Variants in AGAP1 observed in about 807,000 individuals in gnomAD.
AGAP1 encodes ArfGAP with GTPase domain, ankyrin repeat and PH domain 1.
A neutral mutation model predicts 105.3 loss-of-function variants in AGAP1; 29 were observed. The ratio of observed to expected loss-of-function variants is 0.28; its 90% CI spans 0.21 to 0.38. The LOEUF (loss-of-function observed/expected upper bound fraction) is 0.38, where lower values mean the gene tolerates loss of function less well. AGAP1 is among the 10% of genes least tolerant of loss of function. The probability of loss-of-function intolerance (pLI) is 1.00; values close to 1 mark genes in which losing one functional copy is unlikely to be tolerated. For synonymous variants in AGAP1, 509 were observed against 485.9 expected, an observed-to-expected ratio of 1.05 and a Z score of -0.63; for missense variants, 998 against 1,165.1, an observed-to-expected ratio of 0.86 and a Z score of 2.09.
At position 235,494,537 on chromosome 2, in the gene AGAP1, CCGCGCCTTTCTTCT is replaced by C. The variant is rs1396445905; in HGVS notation, c.-142_-129del. ...CGGGCCAGCCCCGCGCCTGCTCCGC[CCGCGCCTTTCTTCT>C]CGCGCCTCCTCCGCCCGCCGCCGGC... On this transcript the variant is annotated 5_prime_UTR_variant, in exon 1 of 18. Transcript: ENST00000304032. 6.7e-6 allele frequency: 1 copy of C among 148,964 alleles called. No individual in the cohort carries two copies. The highest frequency in any genetic ancestry group is 2.5e-5 in the African/African-American group (1 of 40,054). The allele number at this position is 148,964 out of a possible 1,614,324, so 9.2% of individuals were successfully genotyped here.
rs2052738125 is a variant in AGAP1 at position 235,931,871 on chromosome 2, C to T, written c.1483+948C>T. The stretch of plus-strand genomic sequence containing the variant: ...TCAGCGAGGTAGCTCCACACCATAG[C>T]GGTGCGGGTCTGGAAGAGCCTTGTG... On this transcript the variant is annotated intron_variant, in intron 12 of 17. Transcript: ENST00000304032. This position sits in a 1 kb window ranked among gnomAD's most constrained non-coding sequence, Gnocchi z 5.6. Among the ~76,000 whole-genome samples, 1 of 152,050 alleles carries T rather than the reference C, an allele frequency of 6.6e-6. No individual in the cohort carries two copies. Among genetic ancestry groups the T allele is most frequent in the Non-Finnish European group, 1.5e-5 (1 of 68,026 alleles).
At chr2:236,025,342 T>C (rs762206783) in intron 13 of AGAP1, among the ~76,000 whole-genome samples, 14 of 152,052 alleles carry the variant, frequency 9.2e-5, no homozygotes, top group Non-Finnish European at 1.8e-4. Flanking sequence ...CCAATTACTG[T>C]TTTGATCATT....
rs1006931044 is a variant in AGAP1 at position 236,083,171 on chromosome 2, A to G, written c.2114+33890A>G. 2.0e-5 allele frequency among the ~76,000 whole-genome samples: 3 copies of G among 152,058 alleles called. No individual in the cohort carries two copies. The highest frequency in any genetic ancestry group is 6.6e-5 in the Admixed American group (1 of 15,262). The stretch of plus-strand genomic sequence containing the variant: ...TCCATCTCAAAAAAAAAGAAAAAGA[A>G]AAGAGGCCTCGCCTTCCATTTAGAC... On this transcript the variant is annotated intron_variant, in intron 16 of 17. Coordinates refer to ENST00000304032, the MANE Select transcript of AGAP1 (RefSeq NM_001037131.3). The surrounding 1 kb of genome is among the most constrained non-coding windows in gnomAD (Gnocchi z 5.3).
In AGAP1 at chr2:235,799,005, C is replaced by G. The variant is rs1371564531; in HGVS notation, c.802-362C>G. Reference sequence around the variant, plus strand: ...TAATGTTGGCTGTGGTTCTGCTGATCTAGAGCAGTGGAGGGACCATAGAAT... The same window carrying G: ...TAATGTTGGCTGTGGTTCTGCTGATGTAGAGCAGTGGAGGGACCATAGAAT... On this transcript the variant is annotated intron_variant, in intron 7 of 17. Coordinates refer to ENST00000304032, the MANE Select transcript of AGAP1 (RefSeq NM_001037131.3). This position sits in a 1 kb window ranked among gnomAD's most constrained non-coding sequence, Gnocchi z 5.0. 6.6e-6 allele frequency among the ~76,000 whole-genome samples: 1 copy of G among 151,876 alleles called. No individual in the cohort carries two copies. Among genetic ancestry groups the G allele is most frequent in the Non-Finnish European group, 1.5e-5 (1 of 68,004 alleles).
Position 235,744,962 on chromosome 2 carries a change from G to T in AGAP1, c.538+123G>T, listed in dbSNP as rs1952813261. ...TTGCCTACTGAACGCTCACTTTTTT[G>T]GGAAAAATTATGGAACTGAAATGAT... On this transcript the variant is annotated intron_variant, in intron 5 of 17. Coordinates refer to ENST00000304032, the MANE Select transcript of AGAP1 (RefSeq NM_001037131.3). This position sits in a 1 kb window ranked among gnomAD's most constrained non-coding sequence, Gnocchi z 5.2. 4 of 1,197,080 alleles carry T rather than the reference G, an allele frequency of 3.3e-6. No homozygotes were observed. The African/African-American group carries it at 6.2e-5, about 18-fold the overall frequency. 74.2% of individuals were successfully genotyped at this position (1,197,080 alleles called of 1,614,324 possible).
chr2:236,071,400 A>G (rs955598951), intron 16 of AGAP1, among the ~76,000 whole-genome samples: 2 of 152,044 alleles, frequency 1.3e-5, no homozygotes, highest in South Asian at 4.2e-4. Flanking sequence ...AGCACAGAGA[A>G]CAGAGCCCAC....
At chr2:236,071,179 GC>G (rs1284164759) in intron 16 of AGAP1, among the ~76,000 whole-genome samples, 2 of 152,234 alleles carry the variant, frequency 1.3e-5, no homozygotes, top group East Asian at 1.9e-4. Context: ...AGTGGCCTTA[GC>G]CCCGAATAAT....
chr2:236,097,456 G>A (rs988647774), intron 16 of AGAP1, among the ~76,000 whole-genome samples: 2 of 133,864 alleles, frequency 1.5e-5, no homozygotes, highest in African/African-American at 2.9e-5. Context: ...GCAGTGGCGC[G>A]ACCTTGGCTC....
rs375110513 is a variant in AGAP1 at position 235,867,572 on chromosome 2, T to TGTGTGTGTGTGTGTGTGTGTGTGTGTGC, written c.1051-15770_1051-15769insTGTGTGTGTGTGTGTGTGTGTGTGCGTG. Among the ~76,000 whole-genome samples, 1 of 148,370 alleles carries TGTGTGTGTGTGTGTGTGTGTGTGTGTGC rather than the reference T, an allele frequency of 6.7e-6. No individual in the cohort carries two copies. Among genetic ancestry groups the TGTGTGTGTGTGTGTGTGTGTGTGTGTGC allele is most frequent in the Non-Finnish European group, 1.5e-5 (1 of 67,064 alleles). The stretch of plus-strand genomic sequence containing the variant: ...GTGTGTGTGTGTGTGTGTGTGTGTG[T>TGTGTGTGTGTGTGTGTGTGTGTGTGTGC]GTGCAAGTGAGGGAGGGTGACCCCC... On this transcript the variant is annotated intron_variant, in intron 9 of 17. Transcript: ENST00000304032. This position sits in a 1 kb window ranked among gnomAD's most constrained non-coding sequence, Gnocchi z 5.4.
intron 1 of AGAP1, among the ~76,000 whole-genome samples, chr2:235,497,761 ATTTTTTCTG>A (rs1941382726): frequency 6.6e-6 from 1 of 151,938 alleles, no homozygotes; most frequent in African/African-American, 2.4e-5. Flanking sequence ...CGCCTGGCTA[ATTTTTTCTG>A]TTTTTTTAGT....
chr2:235,944,817 T>C (rs1559678560), intron 12 of AGAP1, among the ~76,000 whole-genome samples: 2 of 152,012 alleles, frequency 1.3e-5, no homozygotes, highest in African/African-American at 4.8e-5. Context: ...CCAGATGAGA[T>C]TTGTGAGGCT....
At chr2:235,570,281 CT>C (rs910365201) in intron 1 of AGAP1, among the ~76,000 whole-genome samples, 4 of 152,178 alleles carry the variant, frequency 2.6e-5, no homozygotes, top group African/African-American at 7.2e-5. Context: ...CTACAAGCCC[CT>C]GCCTCCATTA....
rs372336568 is a variant in AGAP1, at chr2:235,955,179, A to C, written c.1484-13283A>C. Among the ~76,000 whole-genome samples, 4 of 152,130 alleles carry C rather than the reference A, an allele frequency of 2.6e-5. No homozygotes were observed. The East Asian group carries it at 5.8e-4, about 22-fold the overall frequency. ...GGCCAGGTGGCTAGGCTGGGGCTGG[A>C]GCTGCCTTCGAGTCTGTGCGGTTCC... On this transcript the variant is annotated intron_variant, in intron 12 of 17. Coordinates refer to ENST00000304032, the MANE Select transcript of AGAP1 (RefSeq NM_001037131.3).
intron 12 of AGAP1, among the ~76,000 whole-genome samples, chr2:235,954,830 T>C (rs1017116730): frequency 3.3e-5 from 5 of 152,134 alleles, no homozygotes; most frequent in African/African-American, 1.2e-4. Flanking sequence ...TTTGTTTATT[T>C]ACTGCTATTA....
At chr2:236,026,424 A>G (rs2057055884) in intron 13 of AGAP1, among the ~76,000 whole-genome samples, 1 of 152,206 alleles carries the variant, frequency 6.6e-6, no homozygotes, top group Non-Finnish European at 1.5e-5. Context: ...GTGACTGGAC[A>G]TCAGTTAGAA....
chr2:235,872,287 C>T lies in AGAP1; in HGVS notation c.1051-11058C>T, dbSNP rs911316315. 5.9e-5 allele frequency among the ~76,000 whole-genome samples: 9 copies of T among 152,166 alleles called. No homozygotes were observed. Among genetic ancestry groups the T allele is most frequent in the South Asian group, 2.1e-4 (1 of 4,816 alleles). On this transcript the variant is annotated intron_variant, in intron 9 of 17. Coordinates refer to ENST00000304032, the MANE Select transcript of AGAP1 (RefSeq NM_001037131.3). This position sits in a 1 kb window ranked among gnomAD's most constrained non-coding sequence, Gnocchi z 4.5. The stretch of plus-strand genomic sequence containing the variant: ...AAAAAAAAAAGTTCTAAATAAATGC[C>T]GAAGCCACATAGGAGTCAAAGAAAG...
At chr2:235,807,217 CA>C in intron 8 of AGAP1, 21 bp from the exon 9 acceptor site, 2 of 1,607,580 alleles carry the variant, frequency 1.2e-6, no homozygotes, top group East Asian at 2.2e-5. Flanking sequence ...ACCCAGATGC[CA>C]ACTTTCCTTT....
Position 235,625,612 on chromosome 2 carries a change from A to G in AGAP1, c.164-83567A>G, listed in dbSNP as rs183582689. ...GCTTAAAAGGTGGGGTTAATAGGGA[A>G]CAACATAAATGAGGGCAGGTGTGTG... On this transcript the variant is annotated intron_variant, in intron 1 of 17. Coordinates refer to ENST00000304032, the MANE Select transcript of AGAP1 (RefSeq NM_001037131.3). The surrounding 1 kb of genome is among the most constrained non-coding windows in gnomAD (Gnocchi z 4.0). Among the ~76,000 whole-genome samples, 3 of 152,342 alleles carry G rather than the reference A, an allele frequency of 2.0e-5. No homozygotes were observed. The highest frequency in any genetic ancestry group is 1.3e-4 in the Admixed American group (2 of 15,306).
At position 235,690,768 on chromosome 2, in the gene AGAP1, G is replaced by A. The variant is rs767886217; in HGVS notation, c.164-18411G>A. Among the ~76,000 whole-genome samples the A allele has an allele frequency of 6.6e-6, 1 of 151,990 alleles. No individual in the cohort carries two copies. The highest frequency in any genetic ancestry group is 1.5e-5 in the Non-Finnish European group (1 of 68,002). On this transcript the variant is annotated intron_variant, in intron 1 of 17. Coordinates refer to ENST00000304032, the MANE Select transcript of AGAP1 (RefSeq NM_001037131.3). The surrounding 1 kb of genome is among the most constrained non-coding windows in gnomAD (Gnocchi z 4.1). The stretch of plus-strand genomic sequence containing the variant: ...TATACTGACTTTTTGTTGCTTTTAC[G>A]GTTATCTTCGGGTAAAGTCATTGTG...
Sources: allele counts gnomAD v4.1 joint callset (sites outside exome capture counted in the v4.1 genomes callset), GRCh38; gene constraint gnomAD v4.1.1; non-coding constraint Gnocchi (gnomAD v3.1); transcripts MANE v1.5; gene names NCBI Gene and HGNC (gene_info 2026-07-23, HGNC 2026-07-21).